Variants in KICS2 observed in about 807,000 individuals in gnomAD.
The protein encoded by KICS2 is KICSTOR subunit 2.
In KICS2, 13 loss-of-function variants were observed where a neutral mutation model predicts 31.4. That is an observed-to-expected ratio of 0.41 (90% CI 0.27 to 0.66). The LOEUF is 0.66. KICS2 is among the 30% of genes least tolerant of loss of function. The probability of loss-of-function intolerance (pLI) is 0.28; values close to 1 mark genes in which losing one functional copy is unlikely to be tolerated. For synonymous variants in KICS2, 209 were observed against 214.8 expected, an observed-to-expected ratio of 0.97 and a Z score of 0.24; for missense variants, 455 against 545.4, an observed-to-expected ratio of 0.83 and a Z score of 1.65.
chr12:64,217,940 G>GAGAA (rs962833608), intron 1 of KICS2, among the ~76,000 whole-genome samples: 3 of 152,084 alleles, frequency 2.0e-5, no homozygotes, highest in South Asian at 2.1e-4. Context: ...AAGAAAGAAA[G>GAGAA]AGAAAGAAAG....
chr12:64,211,973 A>G (rs1257827162), intron 2 of KICS2, among the ~76,000 whole-genome samples: 1 of 152,216 alleles, frequency 6.6e-6, no homozygotes, highest in Non-Finnish European at 1.5e-5. Flanking sequence ...TTCTTAGAAG[A>G]CAAAATCTGA....
chr12:64,195,725 C>T (rs540619843), intron 2 of KICS2, among the ~76,000 whole-genome samples: 7 of 152,320 alleles, frequency 4.6e-5, no homozygotes, highest in Admixed American at 1.3e-4. Flanking sequence ...AGACAGTGGG[C>T]GCAGGCCAGT....
chr12:64,186,859 G>C (rs796912139), downstream of KICS2: 51 of 152,274 alleles, frequency 3.3e-4, 1 homozygote, highest in African/African-American at 1.2e-3. Flanking sequence ...TTAAATTAAT[G>C]AATGTTGAAT....
At position 64,221,904 on chromosome 12, in the gene KICS2, A is replaced by G. The variant is rs1186859459; in HGVS notation, c.235+99T>C. The G allele has an allele frequency of 2.3e-6, 3 of 1,291,822 alleles. No homozygotes were observed. The African/African-American group carries it at 4.5e-5, about 19-fold the overall frequency. The allele number at this position is 1,291,822 out of a possible 1,614,324, so 80.0% of individuals were successfully genotyped here. ...GGAATGCCGAGTCGAGCCTGCGACTAGAAGTGACACAGAGACGGGAAACCC... is the reference window on the plus strand; with the variant it reads ...GGAATGCCGAGTCGAGCCTGCGACTGGAAGTGACACAGAGACGGGAAACCC... On this transcript the variant is annotated intron_variant, in intron 1 of 2. Transcript: ENST00000398055.
At chr12:64,219,081 A>G (rs983873588) in intron 1 of KICS2, among the ~76,000 whole-genome samples, 2 of 152,208 alleles carry the variant, frequency 1.3e-5, no homozygotes, top group Non-Finnish European at 2.9e-5. Context: ...GGCTCTAGTT[A>G]TAAATGCTCA....
At chr12:64,204,521 C>A (rs562828304) in intron 2 of KICS2, among the ~76,000 whole-genome samples, 5 of 152,262 alleles carry the variant, frequency 3.3e-5, no homozygotes, top group African/African-American at 1.2e-4. Flanking sequence ...AGCAGTTGCT[C>A]GTACCTGTAA....
intron 2 of KICS2, among the ~76,000 whole-genome samples, chr12:64,195,331 T>A (rs1013542915): frequency 5.9e-5 from 9 of 151,928 alleles, no homozygotes; most frequent in Admixed American, 1.3e-4. Context: ...GAGGCAGAGG[T>A]AAAACAAAAA....
intron 2 of KICS2, among the ~76,000 whole-genome samples, chr12:64,203,106 C>A (rs1320662841): frequency 1.3e-5 from 2 of 152,130 alleles, no homozygotes. Context: ...GTTTTAAGCT[C>A]CTCCCCAAGC....
intron 2 of KICS2, among the ~76,000 whole-genome samples, chr12:64,215,304 A>G (rs2037617644): frequency 6.6e-6 from 1 of 152,140 alleles, no homozygotes; most frequent in Admixed American, 6.5e-5. Flanking sequence ...AGAAAATACA[A>G]TAATACGTAT....
intron 2 of KICS2, among the ~76,000 whole-genome samples, chr12:64,209,906 A>C (rs1485072164): frequency 6.6e-6 from 1 of 152,210 alleles, no homozygotes; most frequent in Non-Finnish European, 1.5e-5. Context: ...CTGAAAGATA[A>C]ATGGATCCTT....
chr12:64,193,606 T>C lies in KICS2; in HGVS notation c.*236A>G. 1 of 1,264,216 alleles carries C rather than the reference T, an allele frequency of 7.9e-7. No homozygotes were observed. The allele number at this position is 1,264,216 out of a possible 1,614,324, so 78.3% of individuals were successfully genotyped here. On this transcript the variant is annotated 3_prime_UTR_variant, in exon 3 of 3. Coordinates refer to ENST00000398055, the MANE Select transcript of KICS2 (RefSeq NM_152440.5). ...AAATAGGGGAAAATACTGAAACTAC[T>C]TTGCTGTACCATGGAGACACATGGT...
intron 2 of KICS2, among the ~76,000 whole-genome samples, chr12:64,205,889 C>T (rs1052628700): frequency 1.3e-5 from 2 of 151,912 alleles, no homozygotes; most frequent in African/African-American, 4.8e-5. Context: ...AGAAACACTG[C>T]CTTTCTCCTT....
At chr12:64,218,438 A>G (rs1565721145) in intron 1 of KICS2, among the ~76,000 whole-genome samples, 1 of 152,218 alleles carries the variant, frequency 6.6e-6, no homozygotes. Flanking sequence ...GCTAAAAAAA[A>G]CAAATGAAAT....
chr12:64,204,168 G>A (rs1381537603), intron 2 of KICS2, among the ~76,000 whole-genome samples: 1 of 147,812 alleles, frequency 6.8e-6, no homozygotes, highest in Non-Finnish European at 1.5e-5. Flanking sequence ...AGAACACGTG[G>A]ACACAGGGAC....
chr12:64,193,552 TA>T lies in KICS2; in HGVS notation c.*289del. 8.9e-7 allele frequency: 1 copy of T among 1,124,618 alleles called. No individual in the cohort carries two copies. The highest frequency in any genetic ancestry group is 1.1e-6 in the Non-Finnish European group (1 of 919,822). The allele number at this position is 1,124,618 out of a possible 1,614,324, so 69.7% of individuals were successfully genotyped here. A position where few individuals can be genotyped will look rare whatever the true frequency, so the allele number is the denominator to read the frequency against. ...ACATATGGGAAAAAAAAAAGCCCAA[TA>T]AATATTCAATCTACAAGAAATATAG... On this transcript the variant is annotated 3_prime_UTR_variant, in exon 3 of 3. Transcript: ENST00000398055.
Position 64,215,829 on chromosome 12 carries a change from G to A in KICS2, c.370C>T (p.His124Tyr), listed in dbSNP as rs1281599021. The A allele has an allele frequency of 6.2e-7, 1 of 1,613,962 alleles. No individual in the cohort carries two copies. Among genetic ancestry groups the A allele is most frequent in the Non-Finnish European group, 8.5e-7 (1 of 1,179,978 alleles). Reference protein sequence around the residue: ...TAPHVEELLSHLSEQLCFFVQ... With the variant: ...TAPHVEELLSYLSEQLCFFVQ... ...AAGAAGCAGAGCTGCTCTGACAGGT[G>A]GGAAAGGAGTTCTTCCACGTGAGGA... is the stretch of plus-strand genomic sequence containing the variant. Residue 124 changes from histidine to tyrosine, a missense_variant, in exon 2 of 3, where the codon CAC becomes TAC. His to Tyr is a moderately conservative substitution (Grantham distance 83). Coordinates refer to ENST00000398055, the MANE Select transcript of KICS2 (RefSeq NM_152440.5).
intron 2 of KICS2, among the ~76,000 whole-genome samples, chr12:64,207,407 T>C (rs2037549316): frequency 1.3e-5 from 2 of 151,858 alleles, no homozygotes; most frequent in South Asian, 4.1e-4. Context: ...TTTTACCATA[T>C]GAAGATGGGG....
intron 1 of KICS2, among the ~76,000 whole-genome samples, chr12:64,217,750 G>A (rs1056736608): frequency 2.6e-5 from 4 of 151,542 alleles, no homozygotes; most frequent in Non-Finnish European, 4.4e-5. Flanking sequence ...GCAGCGAGCC[G>A]AAATCGTGCC....
chr12:64,217,775 T>C (rs1027692762), intron 1 of KICS2, among the ~76,000 whole-genome samples: 1 of 144,146 alleles, frequency 6.9e-6, no homozygotes, highest in South Asian at 2.2e-4. Context: ...CACTCCAGCC[T>C]GGGCAACAGA....
Sources: gnomAD v4.1 joint callset for allele counts (sites outside exome capture counted in the v4.1 genomes callset) on GRCh38, gnomAD v4.1.1 for gene constraint, MANE v1.5 for transcripts, NCBI Gene and HGNC (gene_info 2026-07-23, HGNC 2026-07-21) for gene names.